NECAB2: variants seen among roughly 807,000 people sequenced by gnomAD.
The protein encoded by NECAB2 is N-terminal EF-hand calcium binding protein 2, also known as N-terminal EF-hand calcium-binding protein 2.
NECAB2 carries 68 observed loss-of-function variants against 51.9 expected under a neutral mutation model. The observed-to-expected ratio is 1.31, with a 90% CI of 1.08 to 1.60. The LOEUF is 1.60. Among genes scored for constraint, NECAB2 ranks in the 40% most tolerant of loss-of-function variants. NECAB2 has a pLI of 0.00. For missense variants in NECAB2, 854 were observed against 490.3 expected (o/e 1.74, Z -7.00); for synonymous variants, 329 against 203.5 (o/e 1.62, Z -5.25).
rs1433463063 is a variant in NECAB2, at chr16:83,997,247, C to G, written c.827C>G (p.Ser276Ter). Residue 276 changes from serine to a stop codon, truncating the protein, a stop_gained, in exon 9 of 13, where the codon TCA becomes TGA. Transcript: ENST00000305202. LOFTEE classifies it high-confidence loss of function. Reference sequence around the variant, plus strand: ...TGGTTCGACCTGCAGCAGCGCCTGTCAGATGAAGATGGCACCAACATGGTG... The same window carrying G: ...TGGTTCGACCTGCAGCAGCGCCTGTGAGATGAAGATGGCACCAACATGGTG... Reference protein sequence around the residue: ...ALWFDLQQRLSDEDGTNMHLQ... With the variant: ...ALWFDLQQRL The G allele has an allele frequency of 1.9e-6, 3 of 1,614,152 alleles. No homozygotes were observed. Among genetic ancestry groups the G allele is most frequent in the South Asian group, 1.1e-5 (1 of 91,088 alleles).
chr16:84,001,286 G>A (rs978012939), intron 11 of NECAB2, among the ~76,000 whole-genome samples: 1 of 152,086 alleles, frequency 6.6e-6, no homozygotes, highest in African/African-American at 2.4e-5. Context: ...ATCTGGGAGA[G>A]GGTGGAGACT....
At chr16:83,998,118 A>C in intron 9 of NECAB2, 87 bp from the exon 10 acceptor site, 1 of 1,164,706 alleles carries the variant, frequency 8.6e-7, no homozygotes, top group Non-Finnish European at 1.2e-6. Flanking sequence ...ATTTTGACCG[A>C]GGAAGGGAGG....
At chr16:84,001,535 T>C (rs1008849952) in intron 11 of NECAB2, among the ~76,000 whole-genome samples, 1 of 152,032 alleles carries the variant, frequency 6.6e-6, no homozygotes, top group African/African-American at 2.4e-5. Context: ...AGGCAGAGGA[T>C]GGCCCCACTC....
chr16:83,980,894 T>A lies in NECAB2; in HGVS notation c.361+30T>A, dbSNP rs777787765. 12 of 1,613,394 alleles carry A rather than the reference T, an allele frequency of 7.4e-6. No homozygotes were observed. In the South Asian group the frequency reaches 1.2e-4, roughly 16 times the overall value. On this transcript the variant is annotated intron_variant, in intron 4 of 12. Coordinates refer to ENST00000305202, the MANE Select transcript of NECAB2 (RefSeq NM_019065.3). ...GTGCCTGGCTATGCTGGGACCAAGA[T>A]GGGGATGCTGGGATGGGGCTGGATG...
upstream of NECAB2, among the ~76,000 whole-genome samples, chr16:83,967,329 T>C (rs562172080): frequency 3.7e-5 from 5 of 134,654 alleles, no homozygotes; most frequent in African/African-American, 1.1e-4. Flanking sequence ...TGGCACCTAG[T>C]GGGTTCTCCT....
chr16:83,973,626 G>C (rs537286317), intron 2 of NECAB2, among the ~76,000 whole-genome samples: 1 of 152,106 alleles, frequency 6.6e-6, no homozygotes, highest in Non-Finnish European at 1.5e-5. Flanking sequence ...AGATGGGGTC[G>C]CCGGAGCCCT....
rs956518668 is a variant in NECAB2, at chr16:83,997,144, C to T, written c.796-72C>T. The stretch of plus-strand genomic sequence containing the variant: ...GGGAGCTCCCAACAGCCCCAGGGAT[C>T]CCAGAGCTCCTGGCTCCCCGGGGCG... On this transcript the variant is annotated intron_variant, in intron 8 of 12. Transcript: ENST00000305202. The T allele has an allele frequency of 1.6e-5, 26 of 1,597,134 alleles. No individual in the cohort carries two copies. The African/African-American group carries it at 3.0e-4, about 18-fold the overall frequency.
intron 2 of NECAB2, among the ~76,000 whole-genome samples, chr16:83,973,331 G>A (rs1362401257): frequency 1.3e-5 from 2 of 152,156 alleles, no homozygotes; most frequent in Non-Finnish European, 2.9e-5. Context: ...CAGGGCGGTT[G>A]CAGGGTGGAG....
intron 10 of NECAB2, among the ~76,000 whole-genome samples, chr16:83,999,629 G>C (rs1452237721): frequency 6.6e-6 from 1 of 152,076 alleles, no homozygotes; most frequent in African/African-American, 2.4e-5. Flanking sequence ...CCTCATTGTA[G>C]TGCACTTGCA....
intron 5 of NECAB2, among the ~76,000 whole-genome samples, chr16:83,987,721 C>G (rs931797866): frequency 6.6e-6 from 1 of 150,784 alleles, no homozygotes; most frequent in African/African-American, 2.5e-5. Flanking sequence ...CAAGTTTTTG[C>G]TATTATGAGT....
Position 83,981,108 on chromosome 16 carries a change from C to T in NECAB2, c.440C>T (p.Ala147Val), listed in dbSNP as rs371484300. 6.2e-7 allele frequency: 1 copy of T among 1,614,094 alleles called. No homozygotes were observed. Among genetic ancestry groups the T allele is most frequent in the Non-Finnish European group, 8.5e-7 (1 of 1,179,978 alleles). ...ACCTTGAATCACTCTGTCCTGAAGG[C>T]CATGGGTTATACCAAGAAGGTCAGT... ...LETLNHSVLKAMGYTKKVYEG... is the reference protein window; with the variant it reads ...LETLNHSVLKVMGYTKKVYEG... The change falls in exon 5 of 13, where the codon GCC becomes GTC. Residue 147 changes from alanine to valine, a missense_variant. Physicochemically the swap from Ala to Val is moderately conservative, Grantham distance 64 (BLOSUM62 0). Transcript: ENST00000305202.
At chr16:83,999,594 C>T (rs796350162) in intron 10 of NECAB2, among the ~76,000 whole-genome samples, 3 of 152,212 alleles carry the variant, frequency 2.0e-5, no homozygotes, top group African/African-American at 7.2e-5. Flanking sequence ...GCTTTTGGCC[C>T]CCGCTTTATG....
In NECAB2 at chr16:83,968,624, G is replaced by GGGC. The variant is rs1020640563; in HGVS notation, c.-13_-11dup. Reference sequence around the variant, plus strand: ...GCTGGGCGGGGGTCGGCGGGCTTCCGGGCGGCGGCGGCGGGCGCGGCGCGA... The same window carrying GGGC: ...GCTGGGCGGGGGTCGGCGGGCTTCCGGGCGGCGGCGGCGGCGGGCGCGGCGCGA... On this transcript the variant is annotated 5_prime_UTR_variant, in exon 1 of 13. Coordinates refer to ENST00000305202, the MANE Select transcript of NECAB2 (RefSeq NM_019065.3). 1.1e-5 allele frequency: 11 copies of GGGC among 978,554 alleles called. No homozygotes were observed. The highest frequency in any genetic ancestry group is 5.3e-5 in the African/African-American group (3 of 56,244). The allele number at this position is 978,554 out of a possible 1,614,324, so 60.6% of individuals were successfully genotyped here.
At position 83,998,301 on chromosome 16, in the gene NECAB2, G is replaced by T. The variant is rs746473427; in HGVS notation, c.946G>T (p.Val316Leu). Residue 316 changes from valine (V) to leucine (L), a missense_variant, in exon 10 of 13, where the codon GTG becomes TTG. Coordinates refer to ENST00000305202, the MANE Select transcript of NECAB2 (RefSeq NM_019065.3). Reference protein sequence around the residue: ...LRQYLRGTTGVRNCFHITAVR... With the variant: ...LRQYLRGTTGLRNCFHITAVR... ...CCAGTATCTGCGGGGGACCACTGGC[G>T]TGAGGAACTGCTTCCAGTGAGTGAG... 8 of 1,613,334 alleles carry T rather than the reference G, an allele frequency of 5.0e-6. No individual in the cohort carries two copies. In the African/African-American group the frequency reaches 8.0e-5, roughly 16 times the overall value.
At chr16:83,968,115 G>T (rs2084308165), upstream of NECAB2, among the ~76,000 whole-genome samples, 1 of 151,722 alleles carries the variant, frequency 6.6e-6, no homozygotes, top group Non-Finnish European at 1.5e-5. Flanking sequence ...GCCTGAGGGG[G>T]CGTGCACGCC....
intron 1 of NECAB2, 148 bp from the exon 2 acceptor site, chr16:83,972,002 CG>C (rs2151084305): frequency 5.7e-6 from 6 of 1,045,850 alleles, no homozygotes; most frequent in Non-Finnish European, 5.6e-6. Context: ...GATCCCAGCC[CG>C]GGGAGGGGGA....
At position 83,984,627 on chromosome 16, in the gene NECAB2, A is replaced by T. The variant is rs545220999; in HGVS notation, c.459+3500A>T. 3.4e-4 allele frequency among the ~76,000 whole-genome samples: 52 copies of T among 152,142 alleles called. 1 individual carries two copies. In the South Asian group the frequency reaches 0.01, roughly 30 times the overall value. On this transcript the variant is annotated intron_variant, in intron 5 of 12. Transcript: ENST00000305202. Reference sequence around the variant, plus strand: ...TGTCTGTAGTTCCCACCTTCTTGGGAGGCTGAGGTGAGAGGATCTCTGGAG... The same window carrying T: ...TGTCTGTAGTTCCCACCTTCTTGGGTGGCTGAGGTGAGAGGATCTCTGGAG...
At chr16:83,993,960 C>G (rs896208040) in intron 6 of NECAB2, among the ~76,000 whole-genome samples, 2 of 152,020 alleles carry the variant, frequency 1.3e-5, no homozygotes, top group African/African-American at 2.4e-5. Context: ...ACAGCTTGGG[C>G]TCTACACGTG....
At chr16:83,992,407 A>T (rs529848955) in intron 6 of NECAB2, among the ~76,000 whole-genome samples, 36 of 136,536 alleles carry the variant, frequency 2.6e-4, no homozygotes, top group African/African-American at 1.1e-3. Flanking sequence ...TGCTGTTTCA[A>T]ATTGAGAAAA....
Sources: allele counts gnomAD v4.1 joint callset (sites outside exome capture counted in the v4.1 genomes callset), GRCh38; gene constraint gnomAD v4.1.1; transcripts MANE v1.5; gene names NCBI Gene and HGNC (gene_info 2026-07-23, HGNC 2026-07-21).